The following PCAT7 variants were observed in gnomAD, a reference collection of about 807,000 sequenced individuals.
PCAT7 encodes prostate cancer associated transcript 7 (non-protein coding).
chr9:94,559,653 C>T (rs7039582), intron 2 of PCAT7, among the ~76,000 whole-genome samples: 66,793 of 151,848 alleles, frequency 0.44, 15,631 homozygotes, highest in Admixed American at 0.54. Context: ...ACTAGTTTGC[C>T]GGTGTTTCAA....
Position 94,558,933 on chromosome 9 carries a change from A to G in PCAT7, n.258-36A>G, listed in dbSNP as rs1827050141. The G allele has an allele frequency of 1.9e-6, 3 of 1,613,608 alleles. No individual in the cohort carries two copies. The East Asian group carries it at 6.7e-5, about 36-fold the overall frequency. On this transcript the variant is annotated intron_variant and non_coding_transcript_variant, in intron 1 of 8. Transcript: ENST00000647389. ...AACAGAAGAGGGCATGTGGGGTCAA[A>G]CTCGCTAGCTGCCTGCCTGATTTTT... is the stretch of plus-strand genomic sequence containing the variant.
intron 1 of PCAT7, among the ~76,000 whole-genome samples, chr9:94,558,494 C>T (rs922670599): frequency 3.1e-4 from 47 of 152,196 alleles, no homozygotes; most frequent in African/African-American, 1.1e-3. Flanking sequence ...GGGGTTTCAC[C>T]GTGTTAGCCA....
intron 2 of PCAT7, among the ~76,000 whole-genome samples, chr9:94,565,774 A>AGATAGATAGAT (rs1827178942): frequency 5.4e-4 from 4 of 7,364 alleles, no homozygotes; most frequent in Non-Finnish European, 2.4e-3. Flanking sequence ...CATAGATGAT[A>AGATAGATAGAT]GATAGATAGA....
At chr9:94,561,424 G>A (rs1481663536) in intron 2 of PCAT7, among the ~76,000 whole-genome samples, 3 of 132,550 alleles carry the variant, frequency 2.3e-5, no homozygotes, top group African/African-American at 5.6e-5. Context: ...GTGCAGTGGC[G>A]CGATCTCGGC....
Position 94,565,686 on chromosome 9 carries a change from A to G in PCAT7, n.441+6534A>G, listed in dbSNP as rs553222937. Among the ~76,000 whole-genome samples, 6 of 151,926 alleles carry G rather than the reference A, an allele frequency of 3.9e-5. No individual in the cohort carries two copies. The South Asian group carries it at 8.3e-4, about 21-fold the overall frequency. ...TTCTACTCTAACTTACCTTTGCTCT[A>G]TAAAGAAAAGCTACGAGAAATCTCT... On this transcript the variant is annotated intron_variant and non_coding_transcript_variant, in intron 2 of 8. Transcript: ENST00000647389.
Position 94,561,181 on chromosome 9 carries a change from G to A in PCAT7, n.441+2029G>A, listed in dbSNP as rs983960644. Among the ~76,000 whole-genome samples, 16 of 152,104 alleles carry A rather than the reference G, an allele frequency of 1.1e-4. No homozygotes were observed. In the East Asian group the frequency reaches 3.1e-3, roughly 29 times the overall value. ...TCAGATTGTAATCAATTATCCTGTTGAGTCAACTACTTTAATCAAAAAAAG... is the reference window on the plus strand; with the variant it reads ...TCAGATTGTAATCAATTATCCTGTTAAGTCAACTACTTTAATCAAAAAAAG... On this transcript the variant is annotated intron_variant and non_coding_transcript_variant, in intron 2 of 8. Transcript: ENST00000647389.
intron 1 of PCAT7, among the ~76,000 whole-genome samples, chr9:94,556,482 A>G (rs1827014206): frequency 6.6e-6 from 1 of 152,158 alleles, no homozygotes; most frequent in Admixed American, 6.5e-5. Context: ...GGTCAGGAAA[A>G]GAAGGTGGGG....
exon 3 of PCAT7, chr9:94,573,009 T>C (rs1018966395): frequency 6.6e-6 from 1 of 152,230 alleles, no homozygotes; most frequent in Non-Finnish European, 1.5e-5. Context: ...TAGACCATCA[T>C]GTCGTCTGCA....
intron 2 of PCAT7, chr9:94,571,712 T>G: frequency 9.8e-7 from 1 of 1,024,960 alleles, no homozygotes; most frequent in Non-Finnish European, 1.4e-6. Flanking sequence ...AGCGCGGTTC[T>G]TTGAATTTTA....
rs191418588 is a variant in PCAT7, at chr9:94,562,659, A to G, written n.441+3507A>G. On this transcript the variant is annotated intron_variant and non_coding_transcript_variant, in intron 2 of 8. Coordinates refer to ENST00000647389, the Ensembl canonical transcript of PCAT7. ...ACAGAGGCCTTTATTTGATTTGACT[A>G]CTTACCTACGATTTCTGTGATTGGC... 4.0e-4 allele frequency among the ~76,000 whole-genome samples: 61 copies of G among 152,280 alleles called. 1 individual carries two copies. Among genetic ancestry groups the G allele is most frequent in the Middle Eastern group, 6.8e-3 (2 of 292 alleles).
rs373189920 is a variant in PCAT7, at chr9:94,565,329, C to G, written n.441+6177C>G. On this transcript the variant is annotated intron_variant and non_coding_transcript_variant, in intron 2 of 8. Coordinates refer to ENST00000647389, the Ensembl canonical transcript of PCAT7. ...GGCGGAGGTTGCAGTGAGCTAAGAT[C>G]GTGCCACTTCAGCCTGGAGACAGAG... Among the ~76,000 whole-genome samples, 23 of 143,922 alleles carry G rather than the reference C, an allele frequency of 1.6e-4. No homozygotes were observed. In the East Asian group the frequency reaches 4.4e-3, roughly 28 times the overall value. The allele number at this position is 143,922 out of a possible 152,430, so 94.4% of individuals were successfully genotyped here. A position where few individuals can be genotyped will look rare whatever the true frequency, so the allele number is the denominator to read the frequency against.
chr9:94,567,493 GA>G, intron 2 of PCAT7: 7 of 1,508,900 alleles, frequency 4.6e-6, no homozygotes, highest in Non-Finnish European at 6.3e-6. Flanking sequence ...AGCAGGAGAA[GA>G]TGGGGGCCTG....
In PCAT7 at chr9:94,573,968, T is replaced by G. The variant is rs1827293493; in HGVS notation, n.512+919T>G. Among the ~76,000 whole-genome samples, 2 of 152,240 alleles carry G rather than the reference T, an allele frequency of 1.3e-5. 1 individual carries two copies. The highest frequency in any genetic ancestry group is 4.1e-4 in the South Asian group (2 of 4,834). On this transcript the variant is annotated intron_variant and non_coding_transcript_variant, in intron 3 of 8. Transcript: ENST00000647389. ...CTTTTCTTGGGCATGAGTTTCTTAA[T>G]AGTATTGAGCCCTGTAGATAGCCAT...
At chr9:94,558,339 A>G (rs1391296546) in intron 1 of PCAT7, among the ~76,000 whole-genome samples, 4 of 152,096 alleles carry the variant, frequency 2.6e-5, no homozygotes, top group African/African-American at 7.2e-5. Flanking sequence ...CTGTCACCCA[A>G]GCTGGAGTGC....
At chr9:94,564,274 C>T (rs1827153492) in intron 2 of PCAT7, among the ~76,000 whole-genome samples, 1 of 152,108 alleles carries the variant, frequency 6.6e-6, no homozygotes, top group African/African-American at 2.4e-5. Flanking sequence ...TGAACTCATA[C>T]CAACCACTCT....
In PCAT7 at chr9:94,559,175, C is replaced by T. The variant is rs182201996; in HGVS notation, n.441+23C>T. ...CAGGTGAGTAAACTCTGCAAGTGGCCAAATGTCCCGAGCCATGCCCCTAAA... is the reference window on the plus strand; with the variant it reads ...CAGGTGAGTAAACTCTGCAAGTGGCTAAATGTCCCGAGCCATGCCCCTAAA... On this transcript the variant is annotated intron_variant and non_coding_transcript_variant, in intron 2 of 8. Coordinates refer to ENST00000647389, the Ensembl canonical transcript of PCAT7. 30 of 1,563,106 alleles carry T rather than the reference C, an allele frequency of 1.9e-5. No individual in the cohort carries two copies. The East Asian group carries it at 6.3e-4, about 33-fold the overall frequency.
chr9:94,570,880 A>AGTG (rs1205784321), intron 2 of PCAT7: 2 of 152,166 alleles, frequency 1.3e-5, no homozygotes, highest in Admixed American at 6.5e-5. Flanking sequence ...CGCTGTCTGG[A>AGTG]GTGGTGCTTT....
At chr9:94,567,267 C>G in intron 2 of PCAT7, 1 of 1,614,098 alleles carries the variant, frequency 6.2e-7, no homozygotes, top group Non-Finnish European at 8.5e-7. Context: ...TTTCTTCACT[C>G]ACCTCAGGGA....
rs1174386595 is a variant in PCAT7 at position 94,561,352 on chromosome 9, A to ATTTTTTTTTTTTTT, written n.441+2215_441+2228dup. Among the ~76,000 whole-genome samples the ATTTTTTTTTTTTTT allele has an allele frequency of 5.5e-5, 3 of 54,990 alleles. 1 individual carries two copies. The highest frequency in any genetic ancestry group is 6.3e-4 in the Admixed American group (2 of 3,178). 36.1% of individuals were successfully genotyped at this position (54,990 alleles called of 152,430 possible). A position where few individuals can be genotyped will look rare whatever the true frequency, so the allele number is the denominator to read the frequency against. On this transcript the variant is annotated intron_variant and non_coding_transcript_variant, in intron 2 of 8. Transcript: ENST00000647389. The stretch of plus-strand genomic sequence containing the variant: ...GCAGGCCATGTGACATGTGACCTGT[A>ATTTTTTTTTTTTTT]TTTTTTTTTTTTTTTTTTTTTTTTT...
Sources: allele counts gnomAD v4.1 joint callset (sites outside exome capture counted in the v4.1 genomes callset), GRCh38; gene constraint gnomAD v4.1.1; transcripts MANE v1.5; gene names NCBI Gene and HGNC (gene_info 2026-07-23, HGNC 2026-07-21).